Variants in DCLK1 observed in about 807,000 individuals in gnomAD.
DCLK1 encodes the protein serine/threonine-protein kinase DCLK1.
A neutral mutation model predicts 86.2 loss-of-function variants in DCLK1; 16 were observed. The observed-to-expected ratio is 0.19, with a 90% CI of 0.13 to 0.28. The LOEUF is 0.28. Among genes scored for constraint, DCLK1 ranks in the 10% least tolerant of loss-of-function variants. The pLI is 1.00. For synonymous variants in DCLK1, 369 were observed against 370.5 expected, an observed-to-expected ratio of 1.00 and a Z score of 0.05; for missense variants, 590 against 940.2, an observed-to-expected ratio of 0.63 and a Z score of 4.87.
intron 2 of DCLK1, among the ~76,000 whole-genome samples, chr13:36,115,394 T>C (rs563156102): frequency 6.6e-6 from 1 of 152,260 alleles, no homozygotes; most frequent in East Asian, 1.9e-4. Flanking sequence ...AAAATTTGCT[T>C]TGGAAGCTTT....
intron 4 of DCLK1, among the ~76,000 whole-genome samples, chr13:35,876,362 C>T (rs372163603): frequency 7.9e-5 from 12 of 152,048 alleles, no homozygotes; most frequent in African/African-American, 2.9e-4. Flanking sequence ...GAAACAACAA[C>T]AACAGATTTA....
At chr13:35,994,464 C>T (rs768436464) in intron 3 of DCLK1, among the ~76,000 whole-genome samples, 4 of 152,198 alleles carry the variant, frequency 2.6e-5, no homozygotes, top group Non-Finnish European at 2.9e-5. Context: ...GCTAATAAAA[C>T]ATCCTTGCAT....
chr13:35,866,181 G>C (rs1469615979), intron 5 of DCLK1, among the ~76,000 whole-genome samples: 1 of 152,094 alleles, frequency 6.6e-6, no homozygotes, highest in African/African-American at 2.4e-5. Flanking sequence ...ATAATAACTT[G>C]CCTTACTTGC....
intron 3 of DCLK1, among the ~76,000 whole-genome samples, chr13:36,090,536 A>C (rs1247349443): frequency 6.6e-6 from 1 of 152,192 alleles, no homozygotes; most frequent in Non-Finnish European, 1.5e-5. Flanking sequence ...CCACGCTGGG[A>C]CAAAAGCTCT....
chr13:35,834,432 C>T (rs916054550), intron 8 of DCLK1, among the ~76,000 whole-genome samples: 4 of 152,144 alleles, frequency 2.6e-5, no homozygotes, highest in Non-Finnish European at 5.9e-5. Flanking sequence ...GAGCTGGGCT[C>T]GGACCTATGT....
intron 6 of DCLK1, among the ~76,000 whole-genome samples, chr13:35,841,523 A>G (rs1869790164): frequency 6.6e-6 from 1 of 152,018 alleles, no homozygotes; most frequent in Non-Finnish European, 1.5e-5. Context: ...TCTGGTGGAA[A>G]AAAAAAAAGG....
At chr13:35,914,644 A>T (rs1017277407) in intron 4 of DCLK1, among the ~76,000 whole-genome samples, 1 of 150,286 alleles carries the variant, frequency 6.7e-6, no homozygotes, top group African/African-American at 2.4e-5. Context: ...TGAGCTGGAG[A>T]GGTCAGGGCT....
At chr13:36,026,999 TTTA>T (rs1882061419) in intron 3 of DCLK1, among the ~76,000 whole-genome samples, 1 of 152,236 alleles carries the variant, frequency 6.6e-6, no homozygotes, top group Admixed American at 6.5e-5. Flanking sequence ...TTAAAATTCT[TTTA>T]TTGATTTTTT....
At chr13:36,058,627 T>C (rs542083360) in intron 3 of DCLK1, among the ~76,000 whole-genome samples, 2 of 152,228 alleles carry the variant, frequency 1.3e-5, no homozygotes, top group East Asian at 1.9e-4. Flanking sequence ...AAAGATATTA[T>C]AAAATTAGAC....
Position 35,871,256 on chromosome 13 carries a change from C to A in DCLK1, c.908G>T (p.Arg303Met). ...GGTGGAGGCAGGGGACTTGCTACGC[C>A]TGGACGGTCCTGGGCTCTTGGTGGT... ...RSTTKSPGPS[R>M]RSKSPASTSS... The change falls in exon 5 of 17, where the codon AGG becomes ATG. Residue 303 changes from arginine (R) to methionine (M), a missense_variant. Arg to Met is a moderately conservative substitution (Grantham distance 91). Around this residue, in one of 6 missense-constraint regions of DCLK1, gnomAD observed 195 missense variants for 365.1 expected, o/e 0.53. Coordinates refer to ENST00000360631, the MANE Select transcript of DCLK1 (RefSeq NM_001330071.2). 1 of 1,613,892 alleles carries A rather than the reference C, an allele frequency of 6.2e-7. No homozygotes were observed. The highest frequency in any genetic ancestry group is 1.1e-5 in the South Asian group (1 of 91,032).
intron 4 of DCLK1, among the ~76,000 whole-genome samples, chr13:35,936,832 G>C (rs549672004): frequency 6.6e-6 from 1 of 152,224 alleles, no homozygotes; most frequent in East Asian, 1.9e-4. Context: ...GAGGGCTTTG[G>C]AAAACAGGGA....
intron 3 of DCLK1, among the ~76,000 whole-genome samples, chr13:36,027,221 C>G (rs1206567902): frequency 6.6e-6 from 1 of 152,156 alleles, no homozygotes; most frequent in African/African-American, 2.4e-5. Context: ...TGAAACTGTT[C>G]CGCCTCAGAT....
At chr13:35,932,911 A>G (rs968946742) in intron 4 of DCLK1, among the ~76,000 whole-genome samples, 5 of 152,182 alleles carry the variant, frequency 3.3e-5, no homozygotes, top group Non-Finnish European at 5.9e-5. Flanking sequence ...CCTTAACTCA[A>G]AAGTCCACAG....
chr13:36,062,627 A>C (rs1883592458), intron 3 of DCLK1, among the ~76,000 whole-genome samples: 1 of 152,202 alleles, frequency 6.6e-6, no homozygotes, highest in Non-Finnish European at 1.5e-5. Context: ...TAATTACATA[A>C]AGTGGCTGCC....
intron 3 of DCLK1, among the ~76,000 whole-genome samples, chr13:36,045,352 A>ATC (rs1882859393): frequency 2.5e-5 from 3 of 117,830 alleles, no homozygotes; most frequent in East Asian, 2.5e-4. Flanking sequence ...ATATATATAT[A>ATC]TATATATATA....
At chr13:36,045,356 A>ATCTATATATATATC (rs1407830137) in intron 3 of DCLK1, among the ~76,000 whole-genome samples, 1 of 127,926 alleles carries the variant, frequency 7.8e-6, no homozygotes. Context: ...ATATATATAT[A>ATCTATATATATATC]TATATATATA....
intron 3 of DCLK1, among the ~76,000 whole-genome samples, chr13:36,087,370 A>C (rs144937889): frequency 6.6e-6 from 1 of 152,354 alleles, no homozygotes; most frequent in East Asian, 1.9e-4. Context: ...CAGGGCATTT[A>C]TCTTCAAGCA....
At position 36,131,360 on chromosome 13, in the gene DCLK1, T is replaced by C; in HGVS notation, c.-266A>G. 1 of 181,646 alleles carries C rather than the reference T, an allele frequency of 5.5e-6. No individual in the cohort carries two copies. The allele number at this position is 181,646 out of a possible 1,614,324, so 11.3% of individuals were successfully genotyped here. A position where few individuals can be genotyped will look rare whatever the true frequency, so the allele number is the denominator to read the frequency against. On this transcript the variant is annotated 5_prime_UTR_variant, in exon 1 of 17. Coordinates refer to ENST00000360631, the MANE Select transcript of DCLK1 (RefSeq NM_001330071.2). Reference sequence around the variant, plus strand: ...CTTCGCACAGCCTCACTCCAGCCTCTCTCTCCAGAGGAGGGCGGCGGCGGC... The same window carrying C: ...CTTCGCACAGCCTCACTCCAGCCTCCCTCTCCAGAGGAGGGCGGCGGCGGC...
intron 3 of DCLK1, among the ~76,000 whole-genome samples, chr13:36,083,903 G>A (rs775593776): frequency 2.0e-4 from 30 of 152,054 alleles, no homozygotes; most frequent in Non-Finnish European, 3.4e-4. Flanking sequence ...AAGTCAACAG[G>A]TTCATTTCCT....
Sources: gnomAD v4.1 joint callset for allele counts (sites outside exome capture counted in the v4.1 genomes callset) on GRCh38, gnomAD v4.1.1 for gene constraint, gnomAD v4.1.1 regional missense constraint, MANE v1.5 for transcripts, NCBI Gene and HGNC (gene_info 2026-07-23, HGNC 2026-07-21) for gene names.